The following MAST4 variants were observed in gnomAD, a reference collection of about 807,000 sequenced individuals.
MAST4 encodes microtubule-associated serine/threonine-protein kinase 4.
MAST4 carries 89 observed loss-of-function variants against 162.7 expected under a neutral mutation model. The ratio of observed to expected loss-of-function variants is 0.55; its 90% CI spans 0.46 to 0.65. The LOEUF (loss-of-function observed/expected upper bound fraction) is 0.65, where lower values mean the gene tolerates loss of function less well. Among genes scored for constraint, MAST4 ranks in the 30% least tolerant of loss-of-function variants. The probability of loss-of-function intolerance (pLI) is 0.00; values close to 1 mark genes in which losing one functional copy is unlikely to be tolerated. For missense variants in MAST4, 3,153 were observed against 3,374.0 expected, an observed-to-expected ratio of 0.93 and a Z score of 1.62; for synonymous variants, 1,479 against 1,361.1, an observed-to-expected ratio of 1.09 and a Z score of -1.91.
At chr5:66,736,549 TG>T (rs1330327408) in intron 1 of MAST4, among the ~76,000 whole-genome samples, 1 of 152,212 alleles carries the variant, frequency 6.6e-6, no homozygotes, top group Non-Finnish European at 1.5e-5. Flanking sequence ...AATGGGTCAG[TG>T]TCAGGGAAAG....
At chr5:66,851,005 C>T (rs907043232) in intron 3 of MAST4, among the ~76,000 whole-genome samples, 6 of 149,316 alleles carry the variant, frequency 4.0e-5, no homozygotes, top group South Asian at 2.2e-4. Flanking sequence ...GAGGGTTTCT[C>T]CTGCAAGTAG....
chr5:66,676,873 TA>T (rs1305559110), intron 1 of MAST4, among the ~76,000 whole-genome samples: 1 of 152,230 alleles, frequency 6.6e-6, no homozygotes, highest in Non-Finnish European at 1.5e-5. Context: ...TTTCATACTT[TA>T]AAAGATATAA....
intron 1 of MAST4, among the ~76,000 whole-genome samples, chr5:66,759,342 A>G (rs1753724256): frequency 6.6e-6 from 1 of 152,224 alleles, no homozygotes; most frequent in Admixed American, 6.5e-5. Context: ...ATACACGTAT[A>G]ACTGAATAAA....
At chr5:66,932,253 A>G (rs767438094) in intron 4 of MAST4, among the ~76,000 whole-genome samples, 32 of 152,202 alleles carry the variant, frequency 2.1e-4, no homozygotes, top group Non-Finnish European at 4.1e-4. Flanking sequence ...GGAATTCCCA[A>G]TTGGGCATGG....
intron 3 of MAST4, among the ~76,000 whole-genome samples, chr5:66,892,104 G>A (rs192793022): frequency 1.3e-5 from 2 of 152,312 alleles, no homozygotes; most frequent in East Asian, 3.9e-4. Context: ...GCATCATTAT[G>A]CATCATTTTG....
Position 67,080,562 on chromosome 5 carries a change from A to G in MAST4, c.764-9600A>G, listed in dbSNP as rs76603270. The stretch of plus-strand genomic sequence containing the variant: ...TACTAAAGATATCATGGATGCATGT[A>G]CAGAACATAAATGAAAGGACCGGAA... On this transcript the variant is annotated intron_variant, in intron 5 of 28. Coordinates refer to ENST00000403625, the MANE Select transcript of MAST4 (RefSeq NM_001164664.2). 1.0e-2 allele frequency among the ~76,000 whole-genome samples: 1,520 copies of G among 152,286 alleles called. 24 individuals carry two copies. Among genetic ancestry groups the G allele is most frequent in the African/African-American group, 0.033 (1,379 of 41,564 alleles).
chr5:66,983,097 T>TA (rs1561503069), intron 4 of MAST4, among the ~76,000 whole-genome samples: 2 of 152,220 alleles, frequency 1.3e-5, no homozygotes, highest in African/African-American at 4.8e-5. Flanking sequence ...TGGAGGTAGA[T>TA]ACATGGTTTC....
intron 4 of MAST4, among the ~76,000 whole-genome samples, chr5:66,921,119 G>A (rs191206354): frequency 6.6e-6 from 1 of 152,310 alleles, no homozygotes; most frequent in Non-Finnish European, 1.5e-5. Flanking sequence ...AATAAGGTCA[G>A]GTGGCAGGGG....
intron 4 of MAST4, chr5:67,001,362 T>A (rs1751273150): frequency 6.6e-6 from 1 of 152,198 alleles, no homozygotes; most frequent in Admixed American, 6.5e-5. Context: ...GCTCACTATA[T>A]TAATTCATTC....
At chr5:66,831,414 G>A (rs1038248444) in intron 3 of MAST4, among the ~76,000 whole-genome samples, 2 of 152,164 alleles carry the variant, frequency 1.3e-5, no homozygotes, top group African/African-American at 2.4e-5. Flanking sequence ...AAAATCTGGA[G>A]TATACACTAT....
At chr5:66,948,978 C>A (rs1251041215) in intron 4 of MAST4, among the ~76,000 whole-genome samples, 1 of 152,002 alleles carries the variant, frequency 6.6e-6, no homozygotes, top group Non-Finnish European at 1.5e-5. Context: ...GAAAACATTG[C>A]ATAAAGTCAG....
intron 4 of MAST4, among the ~76,000 whole-genome samples, chr5:66,987,683 C>G (rs1749668807): frequency 6.6e-6 from 1 of 151,978 alleles, no homozygotes. Flanking sequence ...GAAAATATTT[C>G]AAGCCGTACA....
intron 15 of MAST4, 67 bp downstream of exon 15, chr5:67,130,485 G>C: frequency 6.6e-7 from 1 of 1,512,478 alleles, no homozygotes; most frequent in Non-Finnish European, 9.0e-7. Flanking sequence ...TGTTGAAGCT[G>C]TCTGTATTTG....
At chr5:66,767,170 C>CGTGTGTGTGTGTGTGTGTGT (rs60766673) in intron 2 of MAST4, among the ~76,000 whole-genome samples, 14 of 139,562 alleles carry the variant, frequency 1.0e-4, no homozygotes, top group African/African-American at 3.8e-4. Flanking sequence ...GTAAAGTGCA[C>CGTGTGTGTGTGTGTGTGTGT]GTGTGTGTGT....
Position 67,104,535 on chromosome 5 carries a change from TC to T in MAST4, c.1318del (p.Glu441AsnfsTer6). 2 of 1,613,778 alleles carry T rather than the reference TC, an allele frequency of 1.2e-6. No homozygotes were observed. The highest frequency in any genetic ancestry group is 1.7e-6 in the Non-Finnish European group (2 of 1,179,796). On this transcript the variant is annotated frameshift_variant, in exon 10 of 29. Transcript: ENST00000403625. LOFTEE classifies it high-confidence loss of function. ...SHQGLITSRYFLELQHKLDKL... is the reference protein window; with the variant it reads ...SHQGLITSRYXLELQHKLDKL... ...CAGGGCCTCATCACCTCACGATACT[TC>T]CTTGAATTACAGCACAAATTAGATA...
Position 67,166,487 on chromosome 5 carries a change from C to A in MAST4, c.7308C>A (p.Gly2436=), listed in dbSNP as rs1172381330. 1.2e-6 allele frequency: 2 copies of A among 1,604,678 alleles called. No homozygotes were observed. The highest frequency in any genetic ancestry group is 3.3e-4 in the Middle Eastern group (2 of 6,054). ...CGACGGAGGCAGACAAGCCCAATGG[C>A]ATGAAACGGTCCCCCTCAGCCACTG... is the stretch of plus-strand genomic sequence containing the variant. ...KPPTEADKPN[G]MKRSPSATGQ... Residue 2436 remains glycine (G), a synonymous_variant, in exon 29 of 29, where the codon GGC becomes GGA. Transcript: ENST00000403625.
chr5:66,853,641 T>C (rs577744309), intron 3 of MAST4, among the ~76,000 whole-genome samples: 5 of 152,334 alleles, frequency 3.3e-5, no homozygotes, highest in African/African-American at 1.2e-4. Flanking sequence ...GACTTCAAAA[T>C]AGTTGATTTG....
At chr5:66,884,585 A>G (rs115887774) in intron 3 of MAST4, among the ~76,000 whole-genome samples, 65 of 152,264 alleles carry the variant, frequency 4.3e-4, no homozygotes, top group Middle Eastern at 3.4e-3. Flanking sequence ...TTACCGCGTT[A>G]TTGCTTAGAT....
intron 23 of MAST4, among the ~76,000 whole-genome samples, chr5:67,147,339 A>G (rs1268099281): frequency 6.6e-6 from 1 of 152,216 alleles, no homozygotes; most frequent in Non-Finnish European, 1.5e-5. Context: ...CACCAAAAAG[A>G]AGGAACCCTT....
Sources: allele counts gnomAD v4.1 joint callset (sites outside exome capture counted in the v4.1 genomes callset), GRCh38; gene constraint gnomAD v4.1.1; transcripts MANE v1.5; gene names NCBI Gene and HGNC (gene_info 2026-07-23, HGNC 2026-07-21).